Variants in GABRR1 observed in about 807,000 individuals in gnomAD.
GABRR1 encodes gamma-aminobutyric acid type A receptor subunit rho1, also known as gamma-aminobutyric acid receptor subunit rho-1.
In GABRR1, 59 loss-of-function variants were observed where a neutral mutation model predicts 55.5. That is an observed-to-expected ratio of 1.06 (90% CI 0.86 to 1.32). GABRR1 has a LOEUF of 1.32. GABRR1 is among the 40% of genes most tolerant of loss of function. The pLI, the probability that GABRR1 is intolerant of heterozygous loss-of-function variation, is 0.00. For synonymous variants in GABRR1, 213 were observed against 226.0 expected, an observed-to-expected ratio of 0.94 and a Z score of 0.51; for missense variants, 602 against 619.1, an observed-to-expected ratio of 0.97 and a Z score of 0.29.
At chr6:89,184,912 G>T (rs1771852102) in intron 7 of GABRR1, among the ~76,000 whole-genome samples, 1 of 145,796 alleles carries the variant, frequency 6.9e-6, no homozygotes. Flanking sequence ...TTGAGGCAGG[G>T]TCTCACTCTG....
Position 89,178,892 on chromosome 6 carries a change from T to C in GABRR1, c.1318A>G (p.Ser440Gly). The C allele has an allele frequency of 1.2e-6, 2 of 1,614,188 alleles. No individual in the cohort carries two copies. The highest frequency in any genetic ancestry group is 2.2e-5 in the South Asian group (2 of 91,082). The change falls in exon 10 of 10, where the codon AGT becomes GGT. Residue 440 changes from serine to glycine, a missense_variant. By Grantham distance (56) the Ser-to-Gly change is moderately conservative. Transcript: ENST00000454853. ...ATGCTCACATAGCTGCTTCTCTGAC[T>C]TTTCCTCTGTGGGGAGCTCCTCTCT... Reference protein sequence around the residue: ...ASERSSPQRKSQRSSYVSMRI... With the variant: ...ASERSSPQRKGQRSSYVSMRI...
intron 1 of GABRR1, among the ~76,000 whole-genome samples, chr6:89,211,442 C>T (rs2127806070): frequency 6.6e-6 from 1 of 152,254 alleles, no homozygotes; most frequent in Admixed American, 6.5e-5. Flanking sequence ...CTTGTAAATA[C>T]TGTCTATATT....
At chr6:89,218,925 T>C (rs752037888), upstream of GABRR1, among the ~76,000 whole-genome samples, 47 of 151,980 alleles carry the variant, frequency 3.1e-4, 1 homozygote, top group Non-Finnish European at 5.7e-4. Flanking sequence ...CAGGTAAAAT[T>C]TGGTGGAGTT....
intron 1 of GABRR1, chr6:89,204,521 T>C (rs1395698501): frequency 1.4e-5 from 9 of 635,256 alleles, no homozygotes; most frequent in Non-Finnish European, 1.8e-5. Context: ...GCCCCCTACA[T>C]GGGCACCTAA....
At chr6:89,208,000 A>G (rs978856859) in intron 1 of GABRR1, among the ~76,000 whole-genome samples, 3 of 152,202 alleles carry the variant, frequency 2.0e-5, no homozygotes, top group African/African-American at 7.2e-5. Context: ...GGATTAGGCA[A>G]TGAGATGGCT....
intron 5 of GABRR1, among the ~76,000 whole-genome samples, chr6:89,192,085 T>A (rs1266954405): frequency 1.3e-5 from 2 of 151,590 alleles, no homozygotes; most frequent in Non-Finnish European, 2.9e-5. Context: ...AGTGGTCAGT[T>A]TCTGCCTATC....
intron 1 of GABRR1, among the ~76,000 whole-genome samples, chr6:89,210,247 G>C (rs1330069931): frequency 1.6e-5 from 2 of 127,498 alleles, no homozygotes; most frequent in Non-Finnish European, 3.1e-5. Flanking sequence ...AGGCTGGAAT[G>C]CAGCGTTGCA....
At chr6:89,193,964 C>T (rs565615205) in intron 5 of GABRR1, among the ~76,000 whole-genome samples, 62 of 152,252 alleles carry the variant, frequency 4.1e-4, no homozygotes, top group African/African-American at 1.5e-3. Context: ...CAACTCATGA[C>T]TTCTACACTG....
upstream of GABRR1, among the ~76,000 whole-genome samples, chr6:89,219,590 G>A (rs1773082376): frequency 6.6e-6 from 1 of 152,224 alleles, no homozygotes; most frequent in South Asian, 2.1e-4. Context: ...TCTAAGCCTT[G>A]TCCAGCGGGT....
intron 8 of GABRR1, among the ~76,000 whole-genome samples, chr6:89,180,866 A>G (rs1414150081): frequency 2.0e-5 from 3 of 152,182 alleles, no homozygotes; most frequent in African/African-American, 7.2e-5. Flanking sequence ...TGCTCCATCA[A>G]GGGGAAAAAG....
intron 8 of GABRR1, among the ~76,000 whole-genome samples, chr6:89,180,981 T>G (rs1021542335): frequency 3.3e-5 from 5 of 152,230 alleles, no homozygotes; most frequent in Non-Finnish European, 5.9e-5. Flanking sequence ...GCCACCACCA[T>G]GCTGGACCTA....
chr6:89,191,334 G>C (rs1330959806), intron 5 of GABRR1, among the ~76,000 whole-genome samples: 1 of 152,212 alleles, frequency 6.6e-6, no homozygotes, highest in Non-Finnish European at 1.5e-5. Flanking sequence ...GATGCCTAAT[G>C]GGTGGGTTTC....
intron 9 of GABRR1, 52 bp from the exon 10 acceptor site, chr6:89,179,115 A>T: frequency 6.4e-7 from 1 of 1,565,038 alleles, no homozygotes; most frequent in Non-Finnish European, 8.7e-7. Flanking sequence ...ATCTCTCAGA[A>T]GCCCTTCAAA....
Position 89,203,268 on chromosome 6 carries a change from C to A in GABRR1, c.173+167G>T, listed in dbSNP as rs186894615. Among the ~76,000 whole-genome samples the A allele has an allele frequency of 8.0e-3, 1,211 of 152,180 alleles. 5 individuals are homozygous for A. The highest frequency in any genetic ancestry group is 0.014 in the Middle Eastern group (4 of 294). ...CCAGCTCGATCCAGGAGCCACCCCG[C>A]CACCCCTGACTGCCGTCTCCTTTCA... is the stretch of plus-strand genomic sequence containing the variant. On this transcript the variant is annotated intron_variant, in intron 2 of 9. Coordinates refer to ENST00000454853, the MANE Select transcript of GABRR1 (RefSeq NM_002042.5).
chr6:89,204,532 A>C, intron 1 of GABRR1: 1 of 825,836 alleles, frequency 1.2e-6, no homozygotes, highest in South Asian at 1.9e-5. Flanking sequence ...GGGCACCTAA[A>C]AAGGGAGACA....
Position 89,225,963 on chromosome 6 carries a change from G to A in GABRR1, c.-410-4517C>T, listed in dbSNP as rs550039263. On this transcript the variant is annotated intron_variant, in intron 1 of 11. Transcript: ENST00000369451. ...CTTTTTAATGATTGCCATTCTAACT[G>A]GTGTGAGATGGTATCTCATAGTGGT... Among the ~76,000 whole-genome samples, 949 of 150,366 alleles carry A rather than the reference G, an allele frequency of 6.3e-3. 12 individuals carry two copies. Among genetic ancestry groups the A allele is most frequent in the African/African-American group, 0.022 (897 of 40,614 alleles).
intron 1 of GABRR1, among the ~76,000 whole-genome samples, chr6:89,222,825 G>C (rs1302278046): frequency 6.6e-6 from 1 of 152,150 alleles, no homozygotes; most frequent in Non-Finnish European, 1.5e-5. Flanking sequence ...ATTAGCTTGA[G>C]TTAAATTTTT....
chr6:89,187,264 T>A (rs185034272), intron 6 of GABRR1, among the ~76,000 whole-genome samples: 5 of 152,232 alleles, frequency 3.3e-5, no homozygotes, highest in African/African-American at 1.2e-4. Flanking sequence ...AAATTTACCA[T>A]CTTAACCATT....
chr6:89,229,444 T>G (rs1487192541), intron 1 of GABRR1, among the ~76,000 whole-genome samples: 7 of 149,430 alleles, frequency 4.7e-5, no homozygotes, highest in African/African-American at 1.7e-4. Flanking sequence ...AGGAGCTCTT[T>G]TAGGGCAGGC....
Sources: gnomAD v4.1 joint callset for allele counts (sites outside exome capture counted in the v4.1 genomes callset) on GRCh38, gnomAD v4.1.1 for gene constraint, MANE v1.5 for transcripts, NCBI Gene and HGNC (gene_info 2026-07-23, HGNC 2026-07-21) for gene names.